Variants in SWT1 observed in about 807,000 individuals in gnomAD.
The protein encoded by SWT1 is SWT1 RNA endoribonuclease homolog, also known as transcriptional protein SWT1.
Under a neutral mutation model 107.3 loss-of-function variants are expected in SWT1, and 33 were observed. The ratio of observed to expected loss-of-function variants is 0.31; its 90% CI spans 0.23 to 0.41. The LOEUF is 0.41. SWT1 is among the 10% of genes least tolerant of loss of function. The probability of loss-of-function intolerance (pLI) is 1.00; values close to 1 mark genes in which losing one functional copy is unlikely to be tolerated. For missense variants in SWT1, 898 were observed against 1,028.9 expected, an observed-to-expected ratio of 0.87 and a Z score of 1.74; for synonymous variants, 345 against 348.3, an observed-to-expected ratio of 0.99 and a Z score of 0.11.
At chr1:185,223,742 A>G (rs1659847124) in intron 15 of SWT1, among the ~76,000 whole-genome samples, 2 of 152,054 alleles carry the variant, frequency 1.3e-5, no homozygotes, top group African/African-American at 4.8e-5. Flanking sequence ...TTATTTCTTC[A>G]CCCAGGCATT....
intron 4 of SWT1, among the ~76,000 whole-genome samples, chr1:185,168,619 C>T (rs1240122307): frequency 6.6e-6 from 1 of 152,140 alleles, no homozygotes; most frequent in Non-Finnish European, 1.5e-5. Context: ...GTAAATGACA[C>T]TCAAATGTGC....
intron 16 of SWT1, among the ~76,000 whole-genome samples, chr1:185,246,538 A>G (rs889015020): frequency 6.6e-6 from 1 of 151,372 alleles, no homozygotes; most frequent in East Asian, 1.9e-4. Flanking sequence ...CAGTCTTTCA[A>G]AGTGTTAGGA....
At chr1:185,167,434 G>C (rs1654677115) in intron 3 of SWT1, among the ~76,000 whole-genome samples, 1 of 152,218 alleles carries the variant, frequency 6.6e-6, no homozygotes, top group East Asian at 1.9e-4. Flanking sequence ...ATCCAGGATA[G>C]CTACATAGTT....
intron 16 of SWT1, among the ~76,000 whole-genome samples, chr1:185,257,575 C>A (rs561231974): frequency 2.8e-4 from 42 of 152,306 alleles, no homozygotes; most frequent in South Asian, 2.3e-3. Context: ...TTCTTTGACT[C>A]GGAAAGGGAA....
At chr1:185,174,224 G>A (rs1207625276) in intron 4 of SWT1, 148 bp from the exon 5 acceptor site, 6 of 564,886 alleles carry the variant, frequency 1.1e-5, no homozygotes, top group Non-Finnish European at 1.7e-5. Context: ...CATTAAGTGA[G>A]TAATCCTTTC....
chr1:185,257,682 G>T (rs925580122), intron 16 of SWT1, among the ~76,000 whole-genome samples: 5 of 152,202 alleles, frequency 3.3e-5, no homozygotes, highest in African/African-American at 9.6e-5. Flanking sequence ...CCACTGTCTG[G>T]CACTCCCTAG....
intron 5 of SWT1, among the ~76,000 whole-genome samples, chr1:185,178,385 C>T (rs1436815330): frequency 6.6e-6 from 1 of 151,886 alleles, no homozygotes; most frequent in Non-Finnish European, 1.5e-5. Flanking sequence ...GTTTTTATCT[C>T]GTAGATGGAA....
intron 16 of SWT1, among the ~76,000 whole-genome samples, chr1:185,268,397 A>C (rs1423808489): frequency 6.6e-6 from 1 of 152,214 alleles, no homozygotes; most frequent in Non-Finnish European, 1.5e-5. Flanking sequence ...AAAAGTTGGA[A>C]GAGATGGCCA....
At chr1:185,158,344 C>T (rs1653820056) in intron 1 of SWT1, among the ~76,000 whole-genome samples, 1 of 151,578 alleles carries the variant, frequency 6.6e-6, no homozygotes, top group Admixed American at 6.6e-5. Context: ...GAGTTATAGT[C>T]CTAAATCCCT....
chr1:185,195,646 C>G (rs1247041291), intron 10 of SWT1, among the ~76,000 whole-genome samples: 1 of 152,204 alleles, frequency 6.6e-6, no homozygotes, highest in Non-Finnish European at 1.5e-5. Context: ...TCTCCACATT[C>G]TCTCCAGCAT....
At position 185,277,545 on chromosome 1, in the gene SWT1, C is replaced by T. The variant is rs187872081; in HGVS notation, c.2573+877C>T. On this transcript the variant is annotated intron_variant, in intron 18 of 18. Coordinates refer to ENST00000367500, the MANE Select transcript of SWT1 (RefSeq NM_017673.7). ...CCTCAGGTGATTCACCTGCCTCAGC[C>T]TCCCAACATGCTGGGATTACAGGCT... 1.8e-4 allele frequency among the ~76,000 whole-genome samples: 27 copies of T among 152,300 alleles called. No homozygotes were observed. The East Asian group carries it at 4.8e-3, about 27-fold the overall frequency.
chr1:185,232,133 C>T (rs567440353), intron 16 of SWT1, among the ~76,000 whole-genome samples: 5 of 152,120 alleles, frequency 3.3e-5, no homozygotes, highest in African/African-American at 9.6e-5. Context: ...CTTTTTGAAT[C>T]GCAGTTGGCC....
chr1:185,164,489 T>A (rs1193840678), intron 2 of SWT1, among the ~76,000 whole-genome samples: 1 of 152,232 alleles, frequency 6.6e-6, no homozygotes, highest in Non-Finnish European at 1.5e-5. Flanking sequence ...TTGTCTATGT[T>A]GAAAATCCGT....
intron 16 of SWT1, among the ~76,000 whole-genome samples, chr1:185,236,570 A>C (rs1301259926): frequency 2.6e-5 from 4 of 152,222 alleles, no homozygotes; most frequent in Admixed American, 1.3e-4. Context: ...AAATTAACTC[A>C]AGAGGGATTA....
At chr1:185,208,642 C>T in intron 13 of SWT1, among the ~76,000 whole-genome samples, 1 of 151,942 alleles carries the variant, frequency 6.6e-6, no homozygotes, top group Non-Finnish European at 1.5e-5. Flanking sequence ...ATGTGTCAAC[C>T]ATAAATAAAG....
At chr1:185,289,599 A>T (rs1039721186) in intron 18 of SWT1, among the ~76,000 whole-genome samples, 1 of 152,226 alleles carries the variant, frequency 6.6e-6, no homozygotes, top group African/African-American at 2.4e-5. Context: ...CAAGATACAG[A>T]ATCAACCTAA....
intron 17 of SWT1, among the ~76,000 whole-genome samples, chr1:185,275,242 A>T (rs1355094411): frequency 6.6e-6 from 1 of 151,912 alleles, no homozygotes; most frequent in East Asian, 1.9e-4. Context: ...CCGTGTTCTG[A>T]TACATTGATG....
At chr1:185,170,687 A>G (rs918065782) in intron 4 of SWT1, among the ~76,000 whole-genome samples, 1 of 152,156 alleles carries the variant, frequency 6.6e-6, no homozygotes, top group Non-Finnish European at 1.5e-5. Context: ...TCTTGTACGC[A>G]TTTACTTAAT....
chr1:185,290,298 TGG>T (rs1665175981), intron 18 of SWT1, among the ~76,000 whole-genome samples: 1 of 151,930 alleles, frequency 6.6e-6, no homozygotes, highest in Non-Finnish European at 1.5e-5. Context: ...TAACTAAGGC[TGG>T]GCGTGGTGGC....
Sources: gnomAD v4.1 joint callset for allele counts (sites outside exome capture counted in the v4.1 genomes callset) on GRCh38, gnomAD v4.1.1 for gene constraint, MANE v1.5 for transcripts, NCBI Gene and HGNC (gene_info 2026-07-23, HGNC 2026-07-21) for gene names.